The following PDE4D variants were observed in gnomAD, a reference collection of about 807,000 sequenced individuals.
PDE4D encodes the protein 3',5'-cyclic-AMP phosphodiesterase 4D.
In PDE4D, 24 loss-of-function variants were observed where a neutral mutation model predicts 87.4. The observed-to-expected ratio is 0.27, with a 90% CI of 0.20 to 0.39. PDE4D has a LOEUF of 0.39. Ranked by LOEUF, PDE4D falls within the 10% of genes least tolerant of loss-of-function variation. The probability of loss-of-function intolerance (pLI) is 1.00; values close to 1 mark genes in which losing one functional copy is unlikely to be tolerated. For missense variants in PDE4D, 714 were observed against 1,041.0 expected (o/e 0.69, Z 4.32); for synonymous variants, 384 against 383.2 (o/e 1.00, Z -0.02).
At chr5:59,603,168 A>G (rs2150037892) in intron 1 of PDE4D, among the ~76,000 whole-genome samples, 1 of 152,156 alleles carries the variant, frequency 6.6e-6, no homozygotes. Flanking sequence ...GCATCAAGCT[A>G]AAAAGCTTCT....
chr5:59,403,581 A>C (rs1251589149), intron 1 of PDE4D, among the ~76,000 whole-genome samples: 1 of 152,126 alleles, frequency 6.6e-6, no homozygotes, highest in East Asian at 1.9e-4. Context: ...GTGCCTGGAT[A>C]ATTTCATTTA....
chr5:59,774,671 A>G (rs1417331373), intron 1 of PDE4D, among the ~76,000 whole-genome samples: 1 of 143,612 alleles, frequency 7.0e-6, no homozygotes, highest in Non-Finnish European at 1.5e-5. Flanking sequence ...TTACAATGGC[A>G]TTTTTTTTTT....
At chr5:59,472,338 A>T (rs991495562) in intron 1 of PDE4D, among the ~76,000 whole-genome samples, 1 of 152,196 alleles carries the variant, frequency 6.6e-6, no homozygotes, top group Non-Finnish European at 1.5e-5. Context: ...TATGCTGGGC[A>T]CAGGAAAGAA....
chr5:60,207,623 G>C (rs1742703245), intron 1 of PDE4D, among the ~76,000 whole-genome samples: 1 of 152,106 alleles, frequency 6.6e-6, no homozygotes, highest in East Asian at 1.9e-4. Flanking sequence ...GTTTTTATAA[G>C]AATTAAAATA....
chr5:59,354,736 TG>T (rs1377247249), intron 1 of PDE4D, among the ~76,000 whole-genome samples: 3 of 152,210 alleles, frequency 2.0e-5, no homozygotes, highest in Non-Finnish European at 4.4e-5. Flanking sequence ...ATGATAGATA[TG>T]ATCATATCAA....
Position 59,309,929 on chromosome 5 carries a change from T to A in PDE4D, c.456-93961A>T, listed in dbSNP as rs756925673. 5.8e-4 allele frequency among the ~76,000 whole-genome samples: 89 copies of A among 152,192 alleles called. 1 individual carries two copies. The highest frequency in any genetic ancestry group is 3.3e-4 in the Admixed American group (5 of 15,278). On this transcript the variant is annotated intron_variant, in intron 1 of 14. Coordinates refer to ENST00000340635, the MANE Select transcript of PDE4D (RefSeq NM_001104631.2). ...CGGTAAGACCCTCTGTGCCTTGCCATCTTTGGCTGGAGGCACCCAACTCTG... is the reference window on the plus strand; with the variant it reads ...CGGTAAGACCCTCTGTGCCTTGCCAACTTTGGCTGGAGGCACCCAACTCTG...
At chr5:60,183,642 C>T (rs1784551406) in intron 2 of PDE4D, among the ~76,000 whole-genome samples, 2 of 152,152 alleles carry the variant, frequency 1.3e-5, no homozygotes, top group African/African-American at 2.4e-5. Context: ...TTTTAAATTT[C>T]GAACATTTTC....
At chr5:60,023,136 A>G (rs75769013) in intron 2 of PDE4D, among the ~76,000 whole-genome samples, 2,867 of 152,256 alleles carry the variant, frequency 0.019, 85 homozygotes, top group African/African-American at 0.066. Flanking sequence ...CCTATCCAAA[A>G]TATGAATAAT....
intron 1 of PDE4D, among the ~76,000 whole-genome samples, chr5:60,511,318 A>C (rs1374080574): frequency 1.3e-5 from 2 of 152,066 alleles, no homozygotes; most frequent in Admixed American, 6.6e-5. Flanking sequence ...AGACTCAATA[A>C]ATGCTTGTTA....
intron 2 of PDE4D, among the ~76,000 whole-genome samples, chr5:60,168,753 A>G (rs1242953815): frequency 6.6e-6 from 1 of 152,224 alleles, no homozygotes; most frequent in Non-Finnish European, 1.5e-5. Flanking sequence ...AATAATGACA[A>G]GGAAAGTCTC....
chr5:60,249,544 A>G (rs932022845), intron 1 of PDE4D, among the ~76,000 whole-genome samples: 1 of 152,052 alleles, frequency 6.6e-6, no homozygotes, highest in African/African-American at 2.4e-5. Context: ...GCTGCTAAGG[A>G]GAGGACATGA....
At chr5:60,173,978 A>G (rs569004254) in intron 2 of PDE4D, among the ~76,000 whole-genome samples, 1 of 152,272 alleles carries the variant, frequency 6.6e-6, no homozygotes, top group African/African-American at 2.4e-5. Context: ...GCAACTGGAT[A>G]GCTGAGGCAG....
intron 1 of PDE4D, among the ~76,000 whole-genome samples, chr5:60,392,015 A>G (rs1039599995): frequency 2.6e-5 from 4 of 152,228 alleles, no homozygotes; most frequent in African/African-American, 9.6e-5. Flanking sequence ...GACTAACTCA[A>G]TCACAATTAC....
At chr5:59,380,573 C>A (rs531536600) in intron 1 of PDE4D, among the ~76,000 whole-genome samples, 6 of 152,280 alleles carry the variant, frequency 3.9e-5, no homozygotes, top group African/African-American at 1.4e-4. Flanking sequence ...GGTCACATCG[C>A]TCTACTTCAG....
chr5:59,517,216 C>A (rs6885378), intron 1 of PDE4D, among the ~76,000 whole-genome samples: 36,971 of 152,082 alleles, frequency 0.24, 6,017 homozygotes, highest in African/African-American at 0.47. Context: ...GTAGTATAGA[C>A]AGGGCATCTA....
Position 59,098,052 on chromosome 5 carries a change from C to T in PDE4D, c.809-59081G>A, listed in dbSNP as rs568181800. ...CTTTAACTCCCAAATTCCCAACTTC[C>T]AATATTTTTTAAATTCTGTGGTTTT... On this transcript the variant is annotated intron_variant, in intron 5 of 14. Coordinates refer to ENST00000340635, the MANE Select transcript of PDE4D (RefSeq NM_001104631.2). 8.5e-5 allele frequency among the ~76,000 whole-genome samples: 13 copies of T among 152,284 alleles called. No individual in the cohort carries two copies. In the South Asian group the frequency reaches 2.1e-3, roughly 24 times the overall value.
In PDE4D at chr5:59,766,474, C is replaced by T. The variant is rs566281741; in HGVS notation, c.455+126694G>A. Among the ~76,000 whole-genome samples, 9 of 152,320 alleles carry T rather than the reference C, an allele frequency of 5.9e-5. No individual in the cohort carries two copies. In the South Asian group the frequency reaches 8.3e-4, roughly 14 times the overall value. On this transcript the variant is annotated intron_variant, in intron 1 of 14. Coordinates refer to ENST00000340635, the MANE Select transcript of PDE4D (RefSeq NM_001104631.2). The stretch of plus-strand genomic sequence containing the variant: ...AGCCTATTTTCATGGGATTTCCTGC[C>T]TTCCTTACATCCCGACATGTCTAAA...
intron 1 of PDE4D, among the ~76,000 whole-genome samples, chr5:59,817,087 C>T (rs1769055106): frequency 6.6e-6 from 1 of 152,184 alleles, no homozygotes; most frequent in African/African-American, 2.4e-5. Flanking sequence ...GTGTGCTGCT[C>T]CACCTCCTTC....
chr5:59,962,820 T>C (rs2152811568), intron 3 of PDE4D, among the ~76,000 whole-genome samples: 1 of 152,310 alleles, frequency 6.6e-6, no homozygotes, highest in Non-Finnish European at 1.5e-5. Flanking sequence ...AACTTAAAAT[T>C]TGAATTCATA....
Sources: allele counts gnomAD v4.1 joint callset (sites outside exome capture counted in the v4.1 genomes callset), GRCh38; gene constraint gnomAD v4.1.1; transcripts MANE v1.5; gene names NCBI Gene and HGNC (gene_info 2026-07-23, HGNC 2026-07-21).